LRRK1: variants seen among roughly 807,000 people sequenced by gnomAD.
The protein encoded by LRRK1 is leucine rich repeat kinase 1.
A neutral mutation model predicts 209.1 loss-of-function variants in LRRK1; 113 were observed. The ratio of observed to expected loss-of-function variants is 0.54; its 90% confidence interval spans 0.46 to 0.63. The LOEUF (loss-of-function observed/expected upper bound fraction) is 0.63, where lower values mean the gene tolerates loss of function less well. Among genes scored for constraint, LRRK1 ranks in the 30% least tolerant of loss-of-function variants. The pLI, the probability that LRRK1 is intolerant of heterozygous loss-of-function variation, is 0.00. For synonymous variants in LRRK1, 1,144 were observed against 1,099.7 expected (o/e 1.04, Z -0.80); for missense variants, 2,284 against 2,632.2 (o/e 0.87, Z 2.89).
intron 10 of LRRK1, 103 bp from the exon 11 acceptor site, chr15:101,014,213 C>T (rs1419935275): frequency 7.6e-6 from 6 of 785,554 alleles, no homozygotes; most frequent in African/African-American, 1.7e-5. Flanking sequence ...TGGTTGGAAT[C>T]GTTTGACTGC....
At chr15:100,963,847 A>G (rs1439330826) in intron 2 of LRRK1, among the ~76,000 whole-genome samples, 1 of 152,186 alleles carries the variant, frequency 6.6e-6, no homozygotes, top group Non-Finnish European at 1.5e-5. Context: ...GGAATGTTAT[A>G]AGCCTTTCAA....
At chr15:101,000,406 CA>C (rs1223095161) in intron 6 of LRRK1, among the ~76,000 whole-genome samples, 5 of 152,236 alleles carry the variant, frequency 3.3e-5, no homozygotes, top group African/African-American at 1.2e-4. Flanking sequence ...TCTCTGGTCC[CA>C]ACCTCCCCTC....
chr15:101,048,781 A>G (rs1210885920), intron 22 of LRRK1, 124 bp downstream of exon 22: 15 of 737,404 alleles, frequency 2.0e-5, no homozygotes, highest in Non-Finnish European at 3.1e-5. Context: ...GCGGCTCGTC[A>G]TGGCAGCTTG....
intron 20 of LRRK1, among the ~76,000 whole-genome samples, chr15:101,031,699 G>T (rs1250970699): frequency 1.3e-5 from 2 of 151,496 alleles, no homozygotes; most frequent in African/African-American, 2.4e-5. Flanking sequence ...GAGACTGTAT[G>T]CTCCTCCAAG....
At chr15:101,055,265 G>T (rs377048238) in intron 27 of LRRK1, 42 bp downstream of exon 27, 16 of 1,494,670 alleles carry the variant, frequency 1.1e-5, no homozygotes, top group Non-Finnish European at 1.2e-5. Flanking sequence ...CAGTGTAGGA[G>T]CCCAGCCCTC....
chr15:101,025,219 G>A (rs140650978), intron 16 of LRRK1, among the ~76,000 whole-genome samples: 1 of 152,192 alleles, frequency 6.6e-6, no homozygotes, highest in Non-Finnish European at 1.5e-5. Flanking sequence ...GCAGAGCAGG[G>A]TTCCCTTCCT....
chr15:100,973,788 G>A lies in LRRK1; in HGVS notation c.98-16G>A. ...GTGGGCGGTGACGCCGTGTGTGTGTGCTTCCTCCCGCGCAGGTGCCGGGGA... is the reference window on the plus strand; with the variant it reads ...GTGGGCGGTGACGCCGTGTGTGTGTACTTCCTCCCGCGCAGGTGCCGGGGA... On this transcript the variant is annotated splice_polypyrimidine_tract_variant and intron_variant, in intron 2 of 33. Transcript: ENST00000388948. 6 of 1,277,472 alleles carry A rather than the reference G, an allele frequency of 4.7e-6. No homozygotes were observed. Among genetic ancestry groups the A allele is most frequent in the Non-Finnish European group, 5.0e-6 (5 of 1,009,632 alleles). 79.1% of individuals were successfully genotyped at this position (1,277,472 alleles called of 1,614,324 possible).
Position 101,013,573 on chromosome 15 carries a change from C to T in LRRK1, c.1420-743C>T, listed in dbSNP as rs934506692. ...AGGCTGTAGCAAGCTATGATCACACCGCTGCACTCCAGCCTAAGAAACAGA... is the reference window on the plus strand; with the variant it reads ...AGGCTGTAGCAAGCTATGATCACACTGCTGCACTCCAGCCTAAGAAACAGA... On this transcript the variant is annotated intron_variant, in intron 10 of 33. Transcript: ENST00000388948. Among the ~76,000 whole-genome samples, 9 of 152,116 alleles carry T rather than the reference C, an allele frequency of 5.9e-5. No homozygotes were observed. In the South Asian group the frequency reaches 1.2e-3, roughly 21 times the overall value.
chr15:100,972,829 A>T (rs1280197425), intron 2 of LRRK1, among the ~76,000 whole-genome samples: 1 of 152,214 alleles, frequency 6.6e-6, no homozygotes, highest in East Asian at 1.9e-4. Flanking sequence ...TCTTTCCGTA[A>T]TACCTATGGA....
intron 2 of LRRK1, among the ~76,000 whole-genome samples, chr15:100,941,698 G>A (rs2042441161): frequency 6.6e-6 from 1 of 152,222 alleles, no homozygotes; most frequent in African/African-American, 2.4e-5. Flanking sequence ...CTGCGAAGAG[G>A]AGGGCCAGGG....
intron 13 of LRRK1, 64 bp from the exon 14 acceptor site, chr15:101,021,767 CGTGTGTGCGTGTGT>C (rs1567238564): frequency 2.3e-4 from 204 of 901,424 alleles, no homozygotes; most frequent in Non-Finnish European, 3.0e-4. Flanking sequence ...ACAGGAGCCA[CGTGTGTGCGTGTGT>C]GTGTGTGTGT....
intron 22 of LRRK1, among the ~76,000 whole-genome samples, chr15:101,049,070 C>T (rs2035244833): frequency 6.6e-6 from 1 of 152,240 alleles, no homozygotes; most frequent in African/African-American, 2.4e-5. Context: ...CCCATCTCCA[C>T]TGCCCATAAC....
rs1048013744 is a variant in LRRK1 at position 101,046,211 on chromosome 15, A to T, written c.3135+59A>T. The T allele has an allele frequency of 1.5e-5, 23 of 1,551,436 alleles. No individual in the cohort carries two copies. In the African/African-American group the frequency reaches 2.7e-4, roughly 18 times the overall value. On this transcript the variant is annotated intron_variant, in intron 21 of 33. Coordinates refer to ENST00000388948, the MANE Select transcript of LRRK1 (RefSeq NM_024652.6). The stretch of plus-strand genomic sequence containing the variant: ...CCCGAGAGCCACCTACAGTTGTACC[A>T]CTGGGGGAGGGGAATGCCCTTTGCT...
intron 32 of LRRK1, among the ~76,000 whole-genome samples, 196 bp from the exon 33 acceptor site, chr15:101,066,442 CCA>C (rs1041801604): frequency 6.6e-6 from 1 of 152,266 alleles, no homozygotes; most frequent in African/African-American, 2.4e-5. Context: ...ACAAGGAAAG[CCA>C]CAGTCAACTG....
chr15:100,924,373 C>G, intron 1 of LRRK1, 138 bp from the exon 2 acceptor site: 1 of 481,758 alleles, frequency 2.1e-6, no homozygotes, highest in African/African-American at 1.9e-5. Context: ...CTGACCACAC[C>G]TGATGGGTTT....
chr15:100,929,273 G>GC (rs535954894), intron 2 of LRRK1, among the ~76,000 whole-genome samples: 13 of 141,878 alleles, frequency 9.2e-5, no homozygotes, highest in South Asian at 2.3e-4. Flanking sequence ...GCAGTGGCTC[G>GC]CCCCCCCAGC....
At chr15:100,991,381 T>C (rs1160865309) in intron 6 of LRRK1, among the ~76,000 whole-genome samples, 1 of 152,226 alleles carries the variant, frequency 6.6e-6, no homozygotes, top group African/African-American at 2.4e-5. Flanking sequence ...AGCTTTTATG[T>C]TCTTTAATGA....
chr15:101,021,211 G>T (rs1262613618), intron 13 of LRRK1, 29 bp downstream of exon 13: 3 of 1,612,574 alleles, frequency 1.9e-6, no homozygotes, highest in Non-Finnish European at 2.5e-6. Flanking sequence ...GGGCCGTGCT[G>T]GCTCTGCTGG....
intron 20 of LRRK1, among the ~76,000 whole-genome samples, chr15:101,045,104 A>G (rs778899698): frequency 9.2e-5 from 14 of 152,354 alleles, no homozygotes; most frequent in Middle Eastern, 3.4e-3. Context: ...CGTGTAAGTG[A>G]GAGCCGAGAC....
Sources: allele counts gnomAD v4.1 joint callset (sites outside exome capture counted in the v4.1 genomes callset), GRCh38; gene constraint gnomAD v4.1.1; transcripts MANE v1.5; gene names NCBI Gene and HGNC (gene_info 2026-07-23, HGNC 2026-07-21).